MTUS2: variants seen among roughly 807,000 people sequenced by gnomAD.
MTUS2 encodes the protein microtubule-associated tumor suppressor candidate 2.
MTUS2 carries 40 observed loss-of-function variants against 114.1 expected under a neutral mutation model. The observed-to-expected ratio is 0.35, with a 90% CI of 0.27 to 0.46. The LOEUF is 0.46. MTUS2 is among the 20% of genes least tolerant of loss of function. The pLI, the probability that MTUS2 is intolerant of heterozygous loss-of-function variation, is 1.00. For missense variants in MTUS2, 1,679 were observed against 1,705.4 expected (o/e 0.98, Z 0.27); for synonymous variants, 688 against 672.0 (o/e 1.02, Z -0.37).
chr13:28,956,877 A>G (rs1040951598), intron 2 of MTUS2, among the ~76,000 whole-genome samples: 1 of 151,324 alleles, frequency 6.6e-6, no homozygotes, highest in Non-Finnish European at 1.5e-5. Flanking sequence ...GCTGGTGGAA[A>G]GAAAGTGTGA....
chr13:29,499,713 C>T (rs2064526846), intron 14 of MTUS2, among the ~76,000 whole-genome samples: 2 of 152,256 alleles, frequency 1.3e-5, no homozygotes, highest in African/African-American at 2.4e-5. Context: ...CATCGAAATT[C>T]CCCATTTGTG....
At position 29,102,244 on chromosome 13, in the gene MTUS2, A is replaced by G. The variant is rs146473966; in HGVS notation, c.2644+1274A>G. On this transcript the variant is annotated intron_variant, in intron 5 of 15. Transcript: ENST00000612955. ...TTTGAAAATACAGGAGCAACTATTT[A>G]TCATCATTTTTATTAATAAAATTCC... 2.6e-3 allele frequency among the ~76,000 whole-genome samples: 399 copies of G among 152,346 alleles called. 1 individual carries two copies. The highest frequency in any genetic ancestry group is 0.014 in the Middle Eastern group (4 of 294).
chr13:29,453,941 AC>A (rs1002413552), intron 9 of MTUS2, among the ~76,000 whole-genome samples: 1 of 152,210 alleles, frequency 6.6e-6, no homozygotes, highest in African/African-American at 2.4e-5. Context: ...TCAAAGAACC[AC>A]TGATACCACC....
intron 3 of MTUS2, among the ~76,000 whole-genome samples, chr13:29,031,282 C>T (rs1281134684): frequency 2.5e-5 from 1 of 39,840 alleles, no homozygotes; most frequent in Non-Finnish European, 6.2e-5. Flanking sequence ...TGTGTGTTCA[C>T]AGGTCTATAT....
chr13:29,027,879 C>T (rs1262610836), intron 3 of MTUS2, among the ~76,000 whole-genome samples: 1 of 152,168 alleles, frequency 6.6e-6, no homozygotes, highest in East Asian at 1.9e-4. Flanking sequence ...CAGAGACAGA[C>T]AGAGAGCTTT....
chr13:28,944,461 C>T (rs956060438), intron 2 of MTUS2, among the ~76,000 whole-genome samples: 1 of 152,136 alleles, frequency 6.6e-6, no homozygotes, highest in Non-Finnish European at 1.5e-5. Flanking sequence ...ATAGATATTA[C>T]AGAGTGCTAG....
intron 6 of MTUS2, among the ~76,000 whole-genome samples, chr13:29,304,395 A>G (rs1018934015): frequency 6.1e-5 from 3 of 49,576 alleles, no homozygotes; most frequent in African/African-American, 1.1e-4. Context: ...CAAGAGACCC[A>G]TCTCACATGA....
At chr13:29,125,616 T>G (rs1332845455) in intron 5 of MTUS2, among the ~76,000 whole-genome samples, 1 of 152,108 alleles carries the variant, frequency 6.6e-6, no homozygotes, top group East Asian at 1.9e-4. Flanking sequence ...CCAAAGCACC[T>G]TAGGTTTTTC....
chr13:28,975,697 A>G (rs892375969), intron 2 of MTUS2, among the ~76,000 whole-genome samples: 1 of 152,258 alleles, frequency 6.6e-6, no homozygotes, highest in Non-Finnish European at 1.5e-5. Context: ...AATCTTTGCC[A>G]GAAACCATGA....
intron 2 of MTUS2, among the ~76,000 whole-genome samples, chr13:28,902,129 T>C (rs1203385125): frequency 1.3e-5 from 2 of 152,198 alleles, no homozygotes; most frequent in Admixed American, 6.5e-5. Flanking sequence ...TGGTTAATAC[T>C]TGTTCTTATA....
intron 2 of MTUS2, among the ~76,000 whole-genome samples, chr13:29,015,547 A>G (rs1886028994): frequency 6.6e-6 from 1 of 152,232 alleles, no homozygotes; most frequent in Non-Finnish European, 1.5e-5. Context: ...CTGTATAAAG[A>G]TGCAAATGTG....
intron 5 of MTUS2, among the ~76,000 whole-genome samples, chr13:29,104,309 G>T (rs1890561244): frequency 6.6e-6 from 1 of 151,998 alleles, no homozygotes; most frequent in South Asian, 2.1e-4. Flanking sequence ...CTGAGATCAG[G>T]TTGACTTGCC....
intron 9 of MTUS2, among the ~76,000 whole-genome samples, chr13:29,470,891 C>G (rs1488536185): frequency 2.0e-5 from 3 of 152,318 alleles, no homozygotes; most frequent in African/African-American, 7.2e-5. Context: ...TCTCCACATT[C>G]TTCTCTGTCA....
chr13:29,471,460 G>C (rs1017401155), intron 9 of MTUS2, among the ~76,000 whole-genome samples: 3 of 152,192 alleles, frequency 2.0e-5, no homozygotes, highest in African/African-American at 7.2e-5. Flanking sequence ...TGTCACACAA[G>C]AGATGACATA....
At chr13:28,894,351 T>TGA (rs1383277209) in intron 2 of MTUS2, among the ~76,000 whole-genome samples, 3 of 42,398 alleles carry the variant, frequency 7.1e-5, no homozygotes, top group African/African-American at 3.4e-4. Context: ...AGAGAGAGAG[T>TGA]GAGAGTGAGA....
rs115612268 is a variant in MTUS2 at position 28,939,576 on chromosome 13, T to C, written c.-242-84881T>C. Among the ~76,000 whole-genome samples, 328 of 152,330 alleles carry C rather than the reference T, an allele frequency of 2.2e-3. 2 individuals carry two copies. Among genetic ancestry groups the C allele is most frequent in the African/African-American group, 7.7e-3 (319 of 41,576 alleles). Reference sequence around the variant, plus strand: ...TACATAAAATTGAGTGTTTGCTTTATGCTCCAAAATAATTTTTCATTAGTT... The same window carrying C: ...TACATAAAATTGAGTGTTTGCTTTACGCTCCAAAATAATTTTTCATTAGTT... On this transcript the variant is annotated intron_variant, in intron 2 of 15. Coordinates refer to ENST00000612955, the MANE Select transcript of MTUS2 (RefSeq NM_001033602.4).
intron 5 of MTUS2, among the ~76,000 whole-genome samples, chr13:29,197,822 G>GT (rs1566060790): frequency 1.3e-5 from 2 of 152,100 alleles, no homozygotes; most frequent in Non-Finnish European, 2.9e-5. Flanking sequence ...GATGATGAGC[G>GT]TTTTTTCATA....
intron 5 of MTUS2, among the ~76,000 whole-genome samples, chr13:29,252,635 A>C (rs1422122433): frequency 2.6e-5 from 4 of 152,184 alleles, no homozygotes; most frequent in African/African-American, 7.2e-5. Context: ...CGTAATTCCC[A>C]CGTGTTATGG....
At chr13:29,393,106 C>T (rs1192302887) in intron 8 of MTUS2, among the ~76,000 whole-genome samples, 1 of 152,182 alleles carries the variant, frequency 6.6e-6, no homozygotes, top group East Asian at 1.9e-4. Context: ...TGCGCCAGGG[C>T]CAGCTGTGAG....
Sources: gnomAD v4.1 joint callset for allele counts (sites outside exome capture counted in the v4.1 genomes callset) on GRCh38, gnomAD v4.1.1 for gene constraint, MANE v1.5 for transcripts, NCBI Gene and HGNC (gene_info 2026-07-23, HGNC 2026-07-21) for gene names.